Variants in PHETA1 observed in about 807,000 individuals in gnomAD.
PHETA1 encodes sesquipedalian-1.
For synonymous variants in PHETA1, 155 were observed against 168.9 expected (o/e 0.92, Z 0.64); for missense variants, 348 against 373.5 (o/e 0.93, Z 0.56).
Position 111,362,973 on chromosome 12 carries a change from A to G in PHETA1, c.455T>C (p.Leu152Pro). ...QPQSLPLPPS[L>P]PSALAPVPSL... is the part of the protein sequence containing the mutation. ...TGGGACTGGGGCCAGGGCAGAGGGC[A>G]GGGACGGGGGCAAGGGCAGGGACTG... Residue 152 changes from leucine (L) to proline (P), a missense_variant, in exon 3 of 3, where the codon CTG becomes CCG. Coordinates refer to ENST00000683047, the MANE Select transcript of PHETA1 (RefSeq NM_144671.6). The G allele has an allele frequency of 7.8e-7, 1 of 1,284,120 alleles. No individual in the cohort carries two copies. The highest frequency in any genetic ancestry group is 1.0e-6 in the Non-Finnish European group (1 of 993,730). The allele number at this position is 1,284,120 out of a possible 1,614,324, so 79.5% of individuals were successfully genotyped here.
rs1354671341 is a variant in PHETA1, at chr12:111,360,878, C to G, written c.*1800G>C. The G allele has an allele frequency of 7.9e-5, 12 of 152,770 alleles. No homozygotes were observed. The highest frequency in any genetic ancestry group is 7.9e-4 in the Admixed American group (12 of 15,278). The allele number at this position is 152,770 out of a possible 1,614,324, so 9.5% of individuals were successfully genotyped here. The stretch of plus-strand genomic sequence containing the variant: ...TACGCCAGGACTGGGGTTAACACCC[C>G]AGCCCACCAGCTGAGTCTGCCAGGA... On this transcript the variant is annotated 3_prime_UTR_variant, in exon 3 of 3. Transcript: ENST00000683047.
Position 111,363,403 on chromosome 12 carries a change from C to A in PHETA1, c.25G>T (p.Ala9Ser), listed in dbSNP as rs769376265. The A allele has an allele frequency of 1.4e-5, 22 of 1,611,850 alleles. No homozygotes were observed. The highest frequency in any genetic ancestry group is 1.4e-5 in the Non-Finnish European group (17 of 1,179,266). Reference sequence around the variant, plus strand: ...GGGGCGTCACAGGTGGCGTAGAAGGCCAGGCTGCGCTCGTTCAGCTTCATG... The same window carrying A: ...GGGGCGTCACAGGTGGCGTAGAAGGACAGGCTGCGCTCGTTCAGCTTCATG... The part of the protein sequence containing the change: MKLNERSL[A>S]FYATCDAPVD... Residue 9 changes from alanine (A) to serine (S), a missense_variant, in exon 3 of 3, where the codon GCC becomes TCC. Ala to Ser is a moderately conservative substitution (Grantham distance 99, BLOSUM62 1). Coordinates refer to ENST00000683047, the MANE Select transcript of PHETA1 (RefSeq NM_144671.6). The surrounding 1 kb of genome is among the most constrained non-coding windows in gnomAD (Gnocchi z 7.4).
chr12:111,364,765 A>G (rs1389957841), intron 2 of PHETA1, among the ~76,000 whole-genome samples: 5 of 145,444 alleles, frequency 3.4e-5, no homozygotes, highest in Admixed American at 6.8e-5. Flanking sequence ...CTCCATCTCA[A>G]AAAAAAAAAA....
Position 111,363,340 on chromosome 12 carries a change from G to A in PHETA1, c.88C>T (p.Arg30Trp), listed in dbSNP as rs769307581. The A allele has an allele frequency of 9.3e-6, 15 of 1,612,842 alleles. No homozygotes were observed. Among genetic ancestry groups the A allele is most frequent in the Middle Eastern group, 1.6e-4 (1 of 6,084 alleles). ...NAGFLYKKGGRHAAYHRRWFV... is the reference protein window; with the variant it reads ...NAGFLYKKGGWHAAYHRRWFV... ...CAGCGCCGGTGGTAGGCCGCGTGCC[G>A]CCCACCCTTCTTGTACAGGAAGCCT... The change falls in exon 3 of 3, where the codon CGG becomes TGG. Residue 30 changes from arginine to tryptophan, a missense_variant. By Grantham distance (101) the Arg-to-Trp change is moderately radical. Transcript: ENST00000683047. This position sits in a 1 kb window ranked among gnomAD's most constrained non-coding sequence, Gnocchi z 7.4.
In PHETA1 at chr12:111,363,824, G is replaced by A. The variant is rs1026383405; in HGVS notation, c.-36-361C>T. 4 of 1,082,046 alleles carry A rather than the reference G, an allele frequency of 3.7e-6. No homozygotes were observed. Among genetic ancestry groups the A allele is most frequent in the African/African-American group, 1.6e-5 (1 of 62,060 alleles). 67.0% of individuals were successfully genotyped at this position (1,082,046 alleles called of 1,614,324 possible). ...CACCAGTGCAACAGATGAGGAAACA[G>A]AGGCACAGAGAGGTTAACTGCTTCC... On this transcript the variant is annotated intron_variant, in intron 2 of 2. Coordinates refer to ENST00000683047, the MANE Select transcript of PHETA1 (RefSeq NM_144671.6). The surrounding 1 kb of genome is among the most constrained non-coding windows in gnomAD (Gnocchi z 7.4).
At position 111,368,433 on chromosome 12, in the gene PHETA1, G is replaced by A. The variant is rs530317863; in HGVS notation, c.-182+479C>T. Among the ~76,000 whole-genome samples, 13 of 152,222 alleles carry A rather than the reference G, an allele frequency of 8.5e-5. No individual in the cohort carries two copies. In the East Asian group the frequency reaches 2.5e-3, roughly 29 times the overall value. ...GAAGAGGGTGTGGCAGGCACAGGCT[G>A]AAAAACATGTGTGCCAAGAACACTA... On this transcript the variant is annotated intron_variant, in intron 1 of 2. Transcript: ENST00000683047. This position sits in a 1 kb window ranked among gnomAD's most constrained non-coding sequence, Gnocchi z 5.0.
Position 111,362,964 on chromosome 12 carries a change from G to C in PHETA1, c.464C>G (p.Ala155Gly). Reference protein sequence around the residue: ...SLPLPPSLPSALAPVPSLPSA... With the variant: ...SLPLPPSLPSGLAPVPSLPSA... ...AGGCAGGGATGGGACTGGGGCCAGG[G>C]CAGAGGGCAGGGACGGGGGCAAGGG... The change falls in exon 3 of 3, where the codon GCC becomes GGC. Residue 155 changes from alanine to glycine, a missense_variant. Transcript: ENST00000683047. 1 of 1,482,538 alleles carries C rather than the reference G, an allele frequency of 6.7e-7. No individual in the cohort carries two copies. Among genetic ancestry groups the C allele is most frequent in the Non-Finnish European group, 8.9e-7 (1 of 1,120,140 alleles). The allele number at this position is 1,482,538 out of a possible 1,614,324, so 91.8% of individuals were successfully genotyped here.
chr12:111,362,339 G>A lies in PHETA1; in HGVS notation c.*339C>T, dbSNP rs899686750. On this transcript the variant is annotated 3_prime_UTR_variant, in exon 3 of 3. Coordinates refer to ENST00000683047, the MANE Select transcript of PHETA1 (RefSeq NM_144671.6). The stretch of plus-strand genomic sequence containing the variant: ...CAGTGACCCTCTGAGCTGCAGGCCC[G>A]GCAATGCCTGTTGCCAGCACAGGCC... 3.3e-5 allele frequency: 17 copies of A among 519,664 alleles called. No individual in the cohort carries two copies. The highest frequency in any genetic ancestry group is 1.9e-4 in the African/African-American group (10 of 52,104). The allele number at this position is 519,664 out of a possible 1,614,324, so 32.2% of individuals were successfully genotyped here. A position where few individuals can be genotyped will look rare whatever the true frequency, so the allele number is the denominator to read the frequency against.
Position 111,362,907 on chromosome 12 carries a change from A to T in PHETA1, c.521T>A (p.Leu174Gln). The part of the protein sequence containing the change: ...SAPAPVPALP[L>Q]PRRPSALPPK... ...CGGGAGGGCACTGGGCCGGCGGGGC[A>T]GGGGCAGGGCTGGGACCGGGGCTGG... The change falls in exon 3 of 3, where the codon CTG becomes CAG. Residue 174 changes from leucine to glutamine, a missense_variant. Coordinates refer to ENST00000683047, the MANE Select transcript of PHETA1 (RefSeq NM_144671.6). 2 of 1,326,070 alleles carry T rather than the reference A, an allele frequency of 1.5e-6. No homozygotes were observed. Among genetic ancestry groups the T allele is most frequent in the Non-Finnish European group, 2.0e-6 (2 of 1,022,300 alleles). The allele number at this position is 1,326,070 out of a possible 1,614,324, so 82.1% of individuals were successfully genotyped here.
Position 111,363,231 on chromosome 12 carries a change from C to T in PHETA1, c.197G>A (p.Cys66Tyr). The T allele has an allele frequency of 6.2e-7, 1 of 1,613,262 alleles. No individual in the cohort carries two copies. Among genetic ancestry groups the T allele is most frequent in the Non-Finnish European group, 8.5e-7 (1 of 1,179,926 alleles). ...EPVGVIILEG[C>Y]TVELVEAAEE... ...GGCGGCCTCCACCAGCTCCACAGTG[C>T]AGCCCTCCAGGATGATGACGCCCAC... The change falls in exon 3 of 3, where the codon TGC (cysteine) becomes TAC (tyrosine). Residue 66 changes from cysteine to tyrosine, a missense_variant. Cys to Tyr is a radical substitution (Grantham distance 194, BLOSUM62 -2). Coordinates refer to ENST00000683047, the MANE Select transcript of PHETA1 (RefSeq NM_144671.6). The surrounding 1 kb of genome is among the most constrained non-coding windows in gnomAD (Gnocchi z 7.4).
rs757401270 is a variant in PHETA1, at chr12:111,363,366, G to T, written c.62C>A (p.Ala21Glu). 1 of 1,613,152 alleles carries T rather than the reference G, an allele frequency of 6.2e-7. No individual in the cohort carries two copies. The highest frequency in any genetic ancestry group is 8.5e-7 in the Non-Finnish European group (1 of 1,179,960). The stretch of plus-strand genomic sequence containing the variant: ...CCCACCCTTCTTGTACAGGAAGCCT[G>T]CATTGTCCACCGGGGCGTCACAGGT... The part of the protein sequence containing the change: ...YATCDAPVDN[A>E]GFLYKKGGRH... Residue 21 changes from alanine (A) to glutamate (E), a missense_variant, in exon 3 of 3, where the codon GCA becomes GAA. Ala to Glu is a moderately radical substitution (Grantham distance 107). Coordinates refer to ENST00000683047, the MANE Select transcript of PHETA1 (RefSeq NM_144671.6). The surrounding 1 kb of genome is among the most constrained non-coding windows in gnomAD (Gnocchi z 7.4).
In PHETA1 at chr12:111,362,960, CAGGGCAGAGGGCAGGGACGGGGGCA is replaced by C. The variant is rs1868749842; in HGVS notation, c.443_467del (p.Leu148TrpfsTer147). On this transcript the variant is annotated frameshift_variant, in exon 3 of 3. Transcript: ENST00000683047. LOFTEE classifies it low-confidence loss of function (END_TRUNC). ...CAGAAGGCAGGGATGGGACTGGGGC[CAGGGCAGAGGGCAGGGACGGGGGCA>C]AGGGCAGGGACTGGGGCTGGGGCTG... 6.8e-7 allele frequency: 1 copy of C among 1,469,782 alleles called. No individual in the cohort carries two copies. The highest frequency in any genetic ancestry group is 9.0e-7 in the Non-Finnish European group (1 of 1,116,150). 91.0% of individuals were successfully genotyped at this position (1,469,782 alleles called of 1,614,324 possible).
chr12:111,364,056 T>C (rs1868867687), intron 2 of PHETA1, among the ~76,000 whole-genome samples: 2 of 152,206 alleles, frequency 1.3e-5, no homozygotes, highest in Admixed American at 6.5e-5. Context: ...TAGAGATTGA[T>C]TTCATTCATA....
rs573831789 is a variant in PHETA1 at position 111,361,460 on chromosome 12, G to C, written c.*1218C>G. 1 of 168,638 alleles carries C rather than the reference G, an allele frequency of 5.9e-6. No homozygotes were observed. Among genetic ancestry groups the C allele is most frequent in the Non-Finnish European group, 1.3e-5 (1 of 77,170 alleles). 10.4% of individuals were successfully genotyped at this position (168,638 alleles called of 1,614,324 possible). ...AAGGTCAGGGTGGAGGTGTCCTCAG[G>C]GGGCCACCGGTGTGGGGCACTGAGG... On this transcript the variant is annotated 3_prime_UTR_variant, in exon 3 of 3. Transcript: ENST00000683047.
At position 111,364,778 on chromosome 12, in the gene PHETA1, A is replaced by AC. The variant is rs1336512543; in HGVS notation, c.-36-1316_-36-1315insG. Reference sequence around the variant, plus strand: ...GACTCCATCTCAAAAAAAAAAAAAAAATAGCCAGGCATGGTGGGGGGTGCC... The same window carrying AC: ...GACTCCATCTCAAAAAAAAAAAAAAACATAGCCAGGCATGGTGGGGGGTGCC... On this transcript the variant is annotated intron_variant, in intron 2 of 2. Transcript: ENST00000683047. 1.4e-3 allele frequency among the ~76,000 whole-genome samples: 214 copies of AC among 151,982 alleles called. 1 individual carries two copies. Among genetic ancestry groups the AC allele is most frequent in the African/African-American group, 5.0e-3 (206 of 41,462 alleles).
Position 111,362,170 on chromosome 12 carries a change from C to T in PHETA1, c.*508G>A, listed in dbSNP as rs1465697812. ...GGAGGCAGGCAGGCACAGAGCCAGG[C>T]CAGCTCCTCTGGCAGGTCCCGGAGC... On this transcript the variant is annotated 3_prime_UTR_variant, in exon 3 of 3. Coordinates refer to ENST00000683047, the MANE Select transcript of PHETA1 (RefSeq NM_144671.6). 5.4e-6 allele frequency: 2 copies of T among 369,740 alleles called. No individual in the cohort carries two copies. The highest frequency in any genetic ancestry group is 4.2e-5 in the African/African-American group (2 of 47,278). 22.9% of individuals were successfully genotyped at this position (369,740 alleles called of 1,614,324 possible). A position where few individuals can be genotyped will look rare whatever the true frequency, so the allele number is the denominator to read the frequency against.
chr12:111,365,623 T>C (rs1593006710), intron 2 of PHETA1: 2 of 440,522 alleles, frequency 4.5e-6, no homozygotes, highest in Admixed American at 4.9e-5. Flanking sequence ...GGGAAATAGA[T>C]GGAGCTGGAA....
intron 1 of PHETA1, among the ~76,000 whole-genome samples, chr12:111,366,957 A>C (rs1426910492): frequency 1.3e-5 from 2 of 150,838 alleles, no homozygotes; most frequent in African/African-American, 2.4e-5. Context: ...AGTCCTAGCT[A>C]TCTGGGAGGC....
In PHETA1 at chr12:111,361,751, C is replaced by G; in HGVS notation, c.*927G>C. The stretch of plus-strand genomic sequence containing the variant: ...CTCCGCCACTAGGTCAGCACCTGGG[C>G]CTTCCTAGGCGGTGAGTCAGCTGGT... On this transcript the variant is annotated 3_prime_UTR_variant, in exon 3 of 3. Coordinates refer to ENST00000683047, the MANE Select transcript of PHETA1 (RefSeq NM_144671.6). 5.3e-6 allele frequency: 2 copies of G among 376,530 alleles called. No homozygotes were observed. The highest frequency in any genetic ancestry group is 1.1e-5 in the Non-Finnish European group (2 of 190,076). 23.3% of individuals were successfully genotyped at this position (376,530 alleles called of 1,614,324 possible). A position where few individuals can be genotyped will look rare whatever the true frequency, so the allele number is the denominator to read the frequency against.
Sources: gnomAD v4.1 joint callset for allele counts (sites outside exome capture counted in the v4.1 genomes callset) on GRCh38, gnomAD v4.1.1 for gene constraint, Gnocchi (gnomAD v3.1) non-coding constraint, MANE v1.5 for transcripts, NCBI Gene and HGNC (gene_info 2026-07-23, HGNC 2026-07-21) for gene names.